Variants in HS6ST1 observed in about 807,000 individuals in gnomAD.
The protein encoded by HS6ST1 is heparan sulfate 6-O-sulfotransferase 1.
In HS6ST1, 3 loss-of-function variants were observed where a neutral mutation model predicts 25.2. The ratio of observed to expected loss-of-function variants is 0.12; its 90% CI spans 0.05 to 0.31. The LOEUF is 0.31. Ranked by LOEUF, HS6ST1 falls within the 10% of genes least tolerant of loss-of-function variation. The pLI, the probability that HS6ST1 is intolerant of heterozygous loss-of-function variation, is 1.00. For synonymous variants in HS6ST1, 204 were observed against 275.1 expected (o/e 0.74, Z 2.56); for missense variants, 310 against 609.6 (o/e 0.51, Z 5.18).
chr2:128,309,209 C>T (rs1694253936), intron 1 of HS6ST1, among the ~76,000 whole-genome samples: 1 of 152,250 alleles, frequency 6.6e-6, no homozygotes, highest in African/African-American at 2.4e-5. Flanking sequence ...ACCCATAGAA[C>T]CTTCTGTCCT....
At chr2:128,305,260 G>T (rs1200018228) in intron 1 of HS6ST1, among the ~76,000 whole-genome samples, 1 of 152,218 alleles carries the variant, frequency 6.6e-6, no homozygotes, top group African/African-American at 2.4e-5. Context: ...TGGGAACGTT[G>T]CCAGCCCAGC....
intron 1 of HS6ST1, among the ~76,000 whole-genome samples, chr2:128,294,218 G>A (rs114800601): frequency 0.013 from 1,982 of 152,326 alleles, 35 homozygotes; most frequent in African/African-American, 0.045. Context: ...CACGCCCTGT[G>A]CCCGGCCCTG....
At chr2:128,286,172 C>T (rs567322308) in intron 1 of HS6ST1, among the ~76,000 whole-genome samples, 1 of 152,350 alleles carries the variant, frequency 6.6e-6, no homozygotes, top group African/African-American at 2.4e-5. Flanking sequence ...CGTGGGGGAC[C>T]CCAGCAGGTG....
chr2:128,304,439 C>T (rs1297399809), intron 1 of HS6ST1, among the ~76,000 whole-genome samples: 1 of 152,226 alleles, frequency 6.6e-6, no homozygotes, highest in Non-Finnish European at 1.5e-5. Flanking sequence ...AGGACCACTG[C>T]CTGGGCACTA....
At chr2:128,285,396 C>A (rs1434460853) in intron 1 of HS6ST1, among the ~76,000 whole-genome samples, 1 of 152,184 alleles carries the variant, frequency 6.6e-6, no homozygotes, top group African/African-American at 2.4e-5. Flanking sequence ...TCCACAGACC[C>A]CACTGGGGCC....
chr2:128,292,134 G>A (rs1454972064), intron 1 of HS6ST1, among the ~76,000 whole-genome samples: 2 of 152,206 alleles, frequency 1.3e-5, no homozygotes, highest in Non-Finnish European at 2.9e-5. Context: ...GCTGGGCCCA[G>A]CAAGAGTGCC....
intron 1 of HS6ST1, among the ~76,000 whole-genome samples, chr2:128,290,951 C>T (rs1693942924): frequency 6.6e-6 from 1 of 151,954 alleles, no homozygotes; most frequent in African/African-American, 2.4e-5. Flanking sequence ...CATAGCACTC[C>T]AGCCTGGGCA....
At chr2:128,274,354 G>A (rs1393362247) in intron 1 of HS6ST1, among the ~76,000 whole-genome samples, 4 of 152,244 alleles carry the variant, frequency 2.6e-5, no homozygotes, top group Non-Finnish European at 5.9e-5. Context: ...CCATTGCAAC[G>A]CCGTATGTTA....
At position 128,308,158 on chromosome 2, in the gene HS6ST1, CAT is replaced by C. The variant is rs1491495153; in HGVS notation, c.527+9877_527+9878del. On this transcript the variant is annotated intron_variant, in intron 1 of 1. Coordinates refer to ENST00000259241, the MANE Select transcript of HS6ST1 (RefSeq NM_004807.3). ...AAAGCATAAACACAAGGGCAGGAAA[CAT>C]GTGAAACGCAGGACAGTGGTGCTGA... Among the ~76,000 whole-genome samples the C allele has an allele frequency of 7.9e-3, 1,207 of 152,300 alleles. 13 individuals carry two copies. Among genetic ancestry groups the C allele is most frequent in the African/African-American group, 0.025 (1,020 of 41,540 alleles).
intron 1 of HS6ST1, among the ~76,000 whole-genome samples, chr2:128,291,433 A>G (rs1467699366): frequency 6.6e-6 from 1 of 152,246 alleles, no homozygotes; most frequent in Non-Finnish European, 1.5e-5. Context: ...AGGAAGCATT[A>G]GCCTCCTCAG....
chr2:128,275,000 T>C (rs955103271), intron 1 of HS6ST1, among the ~76,000 whole-genome samples: 1 of 78,258 alleles, frequency 1.3e-5, no homozygotes, highest in African/African-American at 5.1e-5. Context: ...GGAGTTGGGG[T>C]GGAGGGGGAA....
chr2:128,287,315 G>A (rs1693878986), intron 1 of HS6ST1, among the ~76,000 whole-genome samples: 1 of 152,182 alleles, frequency 6.6e-6, no homozygotes, highest in Admixed American at 6.5e-5. Context: ...TGCAGGTGAG[G>A]CCCCTTCCCC....
intron 1 of HS6ST1, among the ~76,000 whole-genome samples, chr2:128,317,115 G>A (rs2104940782): frequency 6.6e-6 from 1 of 152,348 alleles, no homozygotes; most frequent in South Asian, 2.1e-4. Context: ...GGCACCAACA[G>A]GAACAGGAGG....
intron 1 of HS6ST1, among the ~76,000 whole-genome samples, chr2:128,302,343 C>G (rs1020905248): frequency 2.0e-5 from 3 of 152,166 alleles, no homozygotes; most frequent in Non-Finnish European, 4.4e-5. Context: ...GCATGTGTGT[C>G]TGCATGTTTA....
At chr2:128,317,812 G>C (rs1470032631) in intron 1 of HS6ST1, among the ~76,000 whole-genome samples, 1 of 152,200 alleles carries the variant, frequency 6.6e-6, no homozygotes, top group Non-Finnish European at 1.5e-5. Context: ...CACAAGGCAA[G>C]GAAGAGAGTG....
At chr2:128,305,621 G>A (rs1694197575) in intron 1 of HS6ST1, among the ~76,000 whole-genome samples, 1 of 152,214 alleles carries the variant, frequency 6.6e-6, no homozygotes, top group Non-Finnish European at 1.5e-5. Flanking sequence ...TCTCACTCTG[G>A]GGCCTACCTT....
chr2:128,294,113 C>A (rs1386436645), intron 1 of HS6ST1, among the ~76,000 whole-genome samples: 4 of 152,188 alleles, frequency 2.6e-5, no homozygotes, highest in Admixed American at 2.6e-4. Context: ...TGGAAACCTG[C>A]CCCAAACTCC....
At chr2:128,274,395 A>G (rs1693659036) in intron 1 of HS6ST1, among the ~76,000 whole-genome samples, 1 of 152,220 alleles carries the variant, frequency 6.6e-6, no homozygotes, top group East Asian at 1.9e-4. Context: ...TTCAAAAGGC[A>G]GAAGGAAAAT....
intron 1 of HS6ST1, among the ~76,000 whole-genome samples, chr2:128,316,901 T>G (rs1226352382): frequency 6.6e-6 from 1 of 152,172 alleles, no homozygotes; most frequent in Admixed American, 6.5e-5. Flanking sequence ...CAGGCACACC[T>G]GAGAGCCTAC....
Sources: gnomAD v4.1 joint callset for allele counts (sites outside exome capture counted in the v4.1 genomes callset) on GRCh38, gnomAD v4.1.1 for gene constraint, MANE v1.5 for transcripts, NCBI Gene and HGNC (gene_info 2026-07-23, HGNC 2026-07-21) for gene names.